The following ANKFN1 variants were observed in gnomAD, a reference collection of about 807,000 sequenced individuals.
ANKFN1 encodes ankyrin repeat and fibronectin type-III domain-containing protein 1.
Under a neutral mutation model 108.7 loss-of-function variants are expected in ANKFN1, and 74 were observed. That is an observed-to-expected ratio of 0.68 (90% CI 0.56 to 0.83). The LOEUF is 0.83. Ranked by LOEUF, ANKFN1 falls within the 40% of genes least tolerant of loss-of-function variation. The probability of loss-of-function intolerance (pLI) is 0.00; values close to 1 mark genes in which losing one functional copy is unlikely to be tolerated. For synonymous variants in ANKFN1, 547 were observed against 516.2 expected, an observed-to-expected ratio of 1.06 and a Z score of -0.81; for missense variants, 1,505 against 1,382.3, an observed-to-expected ratio of 1.09 and a Z score of -1.41.
chr17:56,159,160 C>CTTCA (rs1233689420), intron 1 of ANKFN1, among the ~76,000 whole-genome samples: 1 of 150,552 alleles, frequency 6.6e-6, no homozygotes, highest in Non-Finnish European at 1.5e-5. Flanking sequence ...AGTGTGAAAA[C>CTTCA]TTCAGCTGTC....
intron 1 of ANKFN1, among the ~76,000 whole-genome samples, chr17:56,170,216 T>G (rs72829761): frequency 0.041 from 6,274 of 152,282 alleles, 141 homozygotes; most frequent in Middle Eastern, 0.082. Context: ...CAACATTTAT[T>G]GAGCTCCTAC....
chr17:56,072,980 G>C (rs965076993), intron 4 of ANKFN1, among the ~76,000 whole-genome samples: 1 of 151,996 alleles, frequency 6.6e-6, no homozygotes, highest in African/African-American at 2.4e-5. Flanking sequence ...GCTGAGATAA[G>C]TAAGGTTTTA....
chr17:56,443,206 T>C (rs1315970819), intron 10 of ANKFN1, among the ~76,000 whole-genome samples: 1 of 152,094 alleles, frequency 6.6e-6, no homozygotes, highest in African/African-American at 2.4e-5. Flanking sequence ...CAAAAGTTGT[T>C]TAACAGTCAG....
rs142265047 is a variant in ANKFN1 at position 56,507,626 on chromosome 17, G to A, written c.2645-2847G>A. ...TCAACCTGTCCCAAATTAAACCATC[G>A]ATTCTACCACCCAACCCAAATCAGG... On this transcript the variant is annotated intron_variant, in intron 20 of 20. Transcript: ENST00000682825. Among the ~76,000 whole-genome samples, 32 of 152,082 alleles carry A rather than the reference G, an allele frequency of 2.1e-4. No homozygotes were observed. The East Asian group carries it at 4.0e-3, about 19-fold the overall frequency.
chr17:56,515,072 C>CTG lies in ANKFN1; in HGVS notation c.*3804_*3805insGT, dbSNP rs1174221758. On this transcript the variant is annotated 3_prime_UTR_variant, in exon 21 of 21. Coordinates refer to ENST00000682825, the MANE Select transcript of ANKFN1 (RefSeq NM_001370326.1). Reference sequence around the variant, plus strand: ...TTCTCTTGGAGAACTCACTTAACAGCTTAAGTGAGTTCTCCAAGAGAAGGT... The same window carrying CTG: ...TTCTCTTGGAGAACTCACTTAACAGCTGTTAAGTGAGTTCTCCAAGAGAAGGT... 6.3e-4 allele frequency among the ~76,000 whole-genome samples: 95 copies of CTG among 151,864 alleles called. No individual in the cohort carries two copies. Among genetic ancestry groups the CTG allele is most frequent in the African/African-American group, 2.2e-3 (92 of 41,404 alleles).
intron 4 of ANKFN1, among the ~76,000 whole-genome samples, chr17:56,336,228 A>T (rs2045806085): frequency 6.6e-6 from 1 of 152,134 alleles, no homozygotes; most frequent in African/African-American, 2.4e-5. Flanking sequence ...TGCTGGCTTC[A>T]TCATAAAATG....
At chr17:56,333,157 G>A (rs1199940477) in intron 4 of ANKFN1, among the ~76,000 whole-genome samples, 3 of 151,518 alleles carry the variant, frequency 2.0e-5, no homozygotes, top group African/African-American at 2.4e-5. Context: ...ATATGTCTTC[G>A]ACTTATTTTT....
intron 19 of ANKFN1, among the ~76,000 whole-genome samples, chr17:56,493,165 T>C (rs781111115): frequency 4.1e-4 from 62 of 152,150 alleles, no homozygotes; most frequent in Non-Finnish European, 4.7e-4. Flanking sequence ...TCTCTGATCT[T>C]AAGGAGTTTC....
At chr17:56,344,362 T>C (rs1260279776) in intron 4 of ANKFN1, among the ~76,000 whole-genome samples, 1 of 152,074 alleles carries the variant, frequency 6.6e-6, no homozygotes, top group African/African-American at 2.4e-5. Flanking sequence ...TGCCTAGAAC[T>C]GATAAGCATC....
At chr17:56,199,702 C>T (rs1034145763) in intron 1 of ANKFN1, among the ~76,000 whole-genome samples, 1 of 152,110 alleles carries the variant, frequency 6.6e-6, no homozygotes, top group Non-Finnish European at 1.5e-5. Context: ...CAGGCAGGGT[C>T]GCCAGATAAA....
Position 56,482,348 on chromosome 17 carries a change from C to T in ANKFN1, c.2092-8C>T. 6.3e-7 allele frequency: 1 copy of T among 1,590,910 alleles called. No homozygotes were observed. ...TCCTATTTTTCCTCCGCGCGTGTCCCTCTGCAGGCAAGGAACTTCCGCCTC... is the reference window on the plus strand; with the variant it reads ...TCCTATTTTTCCTCCGCGCGTGTCCTTCTGCAGGCAAGGAACTTCCGCCTC... On this transcript the variant is annotated splice_polypyrimidine_tract_variant and splice_region_variant and intron_variant, in intron 17 of 20. Transcript: ENST00000682825.
At chr17:56,480,887 G>C in intron 17 of ANKFN1, 69 bp downstream of exon 17, 3 of 1,425,624 alleles carry the variant, frequency 2.1e-6, no homozygotes, top group Non-Finnish European at 2.8e-6. Context: ...ACATTAAGTG[G>C]GGTGTGTGTG....
intron 4 of ANKFN1, among the ~76,000 whole-genome samples, chr17:56,085,873 A>G (rs1905307001): frequency 1.3e-5 from 2 of 151,426 alleles, no homozygotes; most frequent in South Asian, 2.1e-4. Context: ...GCTGTGATGA[A>G]CAAATTGGAT....
intron 2 of ANKFN1, among the ~76,000 whole-genome samples, chr17:56,225,266 C>T (rs888437653): frequency 1.3e-5 from 2 of 152,124 alleles, no homozygotes; most frequent in Non-Finnish European, 2.9e-5. Flanking sequence ...ATAATATCTC[C>T]CTAGGGTTAT....
rs893693730 is a variant in ANKFN1, at chr17:56,511,074, C to T, written c.3246C>T (p.Asp1082=). The change falls in exon 21 of 21, where the codon GAC becomes GAT. Residue 1082 remains aspartate, a synonymous_variant. Coordinates refer to ENST00000682825, the MANE Select transcript of ANKFN1 (RefSeq NM_001370326.1). ...AGGAGCGGAACAGCAGTCTCCAGGA[C>T]GCGAGGCCTTCCGTCCGCCGCCTCT... ...LPEERNSSLQ[D]ARPSVRRLYV... 3.3e-6 allele frequency: 5 copies of T among 1,535,882 alleles called. No individual in the cohort carries two copies. The East Asian group carries it at 9.8e-5, about 30-fold the overall frequency.
At chr17:56,314,805 A>G (rs1245666976) in intron 3 of ANKFN1, among the ~76,000 whole-genome samples, 1 of 152,202 alleles carries the variant, frequency 6.6e-6, no homozygotes, top group African/African-American at 2.4e-5. Flanking sequence ...CCTGAACCTC[A>G]GGACCTTTTA....
chr17:56,415,246 T>C (rs1430723994), intron 8 of ANKFN1, among the ~76,000 whole-genome samples: 1 of 152,142 alleles, frequency 6.6e-6, no homozygotes, highest in Non-Finnish European at 1.5e-5. Context: ...ACAGTCAAAT[T>C]GGAAAGGGAG....
At chr17:56,061,265 CTTTTTTTTTTTTTT>C (rs71137190) in intron 4 of ANKFN1, among the ~76,000 whole-genome samples, 3 of 72,914 alleles carry the variant, frequency 4.1e-5, no homozygotes, top group Non-Finnish European at 4.7e-5. Context: ...GGTAGTTTTT[CTTTTTTTTTTTTTT>C]TTTTTTTTTG....
At chr17:56,254,409 T>G (rs2043309210) in intron 3 of ANKFN1, among the ~76,000 whole-genome samples, 1 of 152,240 alleles carries the variant, frequency 6.6e-6, no homozygotes, top group East Asian at 1.9e-4. Flanking sequence ...TGACATTGTC[T>G]GAGTGTACCT....
Sources: gnomAD v4.1 joint callset for allele counts (sites outside exome capture counted in the v4.1 genomes callset) on GRCh38, gnomAD v4.1.1 for gene constraint, MANE v1.5 for transcripts, NCBI Gene and HGNC (gene_info 2026-07-23, HGNC 2026-07-21) for gene names.